RGS9: variants seen among roughly 807,000 people sequenced by gnomAD.
The protein encoded by RGS9 is regulator of G protein signaling 9.
A neutral mutation model predicts 102.0 loss-of-function variants in RGS9; 78 were observed. The ratio of observed to expected loss-of-function variants is 0.76; its 90% CI spans 0.64 to 0.92. The LOEUF (loss-of-function observed/expected upper bound fraction) is 0.92, where lower values mean the gene tolerates loss of function less well. RGS9 is among the 40% of genes least tolerant of loss of function. The pLI is 0.00. For synonymous variants in RGS9, 353 were observed against 318.6 expected (o/e 1.11, Z -1.15); for missense variants, 833 against 866.1 (o/e 0.96, Z 0.48).
rs759203435 is a variant in RGS9, at chr17:65,200,273, G to GC, written c.977-1714dup. Among the ~76,000 whole-genome samples the GC allele has an allele frequency of 1.2e-3, 179 of 151,572 alleles. 2 individuals are homozygous for GC. The highest frequency in any genetic ancestry group is 1.9e-3 in the Non-Finnish European group (126 of 67,790). ...TCTCGAACTCCTGACCTTGTGATCC[G>GC]CCCCCCTCAGCCTCCCAAAGTGCTG... On this transcript the variant is annotated intron_variant, in intron 13 of 18. Coordinates refer to ENST00000262406, the MANE Select transcript of RGS9 (RefSeq NM_003835.4).
chr17:65,153,117 A>G (rs181529102), intron 1 of RGS9, among the ~76,000 whole-genome samples: 1 of 152,134 alleles, frequency 6.6e-6, no homozygotes, highest in East Asian at 1.9e-4. Flanking sequence ...ATGGTGTTCT[A>G]TCACTTTCTG....
At chr17:65,139,640 T>C (rs759498167) in intron 1 of RGS9, among the ~76,000 whole-genome samples, 12 of 152,314 alleles carry the variant, frequency 7.9e-5, no homozygotes, top group Non-Finnish European at 1.8e-4. Context: ...TCTCTTCCCA[T>C]GCCCAGCTCA....
At chr17:65,223,111 A>G (rs781288474) in intron 17 of RGS9, among the ~76,000 whole-genome samples, 10 of 152,202 alleles carry the variant, frequency 6.6e-5, no homozygotes, top group Non-Finnish European at 1.3e-4. Flanking sequence ...GCAATAATCC[A>G]CAATAGTGGA....
At chr17:65,176,590 G>A (rs2144033478) in intron 8 of RGS9, among the ~76,000 whole-genome samples, 1 of 152,290 alleles carries the variant, frequency 6.6e-6, no homozygotes, top group East Asian at 1.9e-4. Flanking sequence ...CACAGAGTGT[G>A]GGGAAGGAGC....
At chr17:65,164,664 T>C (rs1380970485) in intron 7 of RGS9, among the ~76,000 whole-genome samples, 2 of 152,012 alleles carry the variant, frequency 1.3e-5, no homozygotes, top group Admixed American at 6.6e-5. Context: ...AACAGCTTTA[T>C]TGCCCTCCAG....
chr17:65,146,113 G>A (rs186222027), intron 1 of RGS9, among the ~76,000 whole-genome samples: 2 of 152,170 alleles, frequency 1.3e-5, no homozygotes, highest in Admixed American at 1.3e-4. Context: ...AATCAAATCT[G>A]CCAACTTTCT....
At chr17:65,162,966 G>A (rs762491816) in intron 6 of RGS9, 47 bp from the exon 7 acceptor site, 8 of 1,036,148 alleles carry the variant, frequency 7.7e-6, no homozygotes, top group South Asian at 5.3e-5. Flanking sequence ...GCGGCACATG[G>A]CATATGTCTT....
intron 17 of RGS9, among the ~76,000 whole-genome samples, chr17:65,213,996 C>G (rs1039134442): frequency 8.5e-5 from 13 of 152,152 alleles, no homozygotes; most frequent in African/African-American, 2.9e-4. Context: ...GGGTCTTGCT[C>G]TGTTGCCCAG....
chr17:65,174,295 G>A (rs957502767), intron 8 of RGS9, among the ~76,000 whole-genome samples: 2 of 152,208 alleles, frequency 1.3e-5, no homozygotes, highest in Non-Finnish European at 1.5e-5. Flanking sequence ...CGAAGTCACC[G>A]AGGCAGTGAG....
intron 6 of RGS9, among the ~76,000 whole-genome samples, chr17:65,162,529 C>T (rs1416615137): frequency 6.6e-6 from 1 of 152,168 alleles, no homozygotes; most frequent in Non-Finnish European, 1.5e-5. Context: ...GTAGCACAAT[C>T]TTGGCTCACT....
At chr17:65,226,607 TTGTC>T (rs1905692087) in intron 18 of RGS9, among the ~76,000 whole-genome samples, 1 of 150,256 alleles carries the variant, frequency 6.7e-6, no homozygotes, top group African/African-American at 2.5e-5. Flanking sequence ...AGTTTTTTGT[TTGTC>T]TGGGTGTTTT....
chr17:65,206,800 C>T (rs1218500787), intron 15 of RGS9, among the ~76,000 whole-genome samples: 2 of 152,202 alleles, frequency 1.3e-5, no homozygotes, highest in Non-Finnish European at 2.9e-5. Flanking sequence ...AAAAGAATGG[C>T]ATATATGCCC....
chr17:65,197,649 T>C (rs1274122636), intron 13 of RGS9, among the ~76,000 whole-genome samples: 2 of 151,950 alleles, frequency 1.3e-5, no homozygotes, highest in African/African-American at 4.8e-5. Flanking sequence ...CCCAGCCTGA[T>C]TTTCTTTTTT....
intron 16 of RGS9, among the ~76,000 whole-genome samples, chr17:65,210,152 C>A (rs556214445): frequency 8.5e-5 from 13 of 152,274 alleles, no homozygotes; most frequent in Admixed American, 2.6e-4. Flanking sequence ...AGTACCCAAG[C>A]CTTCATTATC....
At chr17:65,149,759 A>T (rs1910507736) in intron 1 of RGS9, among the ~76,000 whole-genome samples, 1 of 152,220 alleles carries the variant, frequency 6.6e-6, no homozygotes, top group Admixed American at 6.5e-5. Flanking sequence ...ATAAAGTCAC[A>T]AATTAATTAA....
At chr17:65,165,180 A>T (rs1039425877) in intron 7 of RGS9, among the ~76,000 whole-genome samples, 3 of 152,066 alleles carry the variant, frequency 2.0e-5, no homozygotes, top group African/African-American at 7.2e-5. Flanking sequence ...GAACCCTGAC[A>T]TCTGCTTTCT....
At chr17:65,201,807 C>T (rs1912859911) in intron 13 of RGS9, among the ~76,000 whole-genome samples, 186 bp from the exon 14 acceptor site, 1 of 152,174 alleles carries the variant, frequency 6.6e-6, no homozygotes, top group Non-Finnish European at 1.5e-5. Context: ...AGATGTGGCT[C>T]CTTTCCCCAA....
intron 14 of RGS9, 117 bp from the exon 15 acceptor site, chr17:65,204,046 C>T: frequency 8.0e-7 from 1 of 1,250,660 alleles, no homozygotes. Flanking sequence ...CTAAAAAAAC[C>T]ACCACCCTCA....
chr17:65,198,166 C>G (rs1242291975), intron 13 of RGS9, among the ~76,000 whole-genome samples: 2 of 152,084 alleles, frequency 1.3e-5, no homozygotes, highest in Non-Finnish European at 2.9e-5. Flanking sequence ...GGCCTGATTT[C>G]TTCAGGGCCT....
Sources: gnomAD v4.1 joint callset for allele counts (sites outside exome capture counted in the v4.1 genomes callset) on GRCh38, gnomAD v4.1.1 for gene constraint, MANE v1.5 for transcripts, NCBI Gene and HGNC (gene_info 2026-07-23, HGNC 2026-07-21) for gene names.